GGA1: variants seen among roughly 807,000 people sequenced by gnomAD.
GGA1 encodes the protein ADP-ribosylation factor-binding protein GGA1.
In GGA1, 18 loss-of-function variants were observed where a neutral mutation model predicts 76.9. The ratio of observed to expected loss-of-function variants is 0.23; its 90% CI spans 0.16 to 0.35. GGA1 has a LOEUF of 0.35. Among genes scored for constraint, GGA1 ranks in the 10% least tolerant of loss-of-function variants. The probability of loss-of-function intolerance (pLI) is 1.00; values close to 1 mark genes in which losing one functional copy is unlikely to be tolerated. For missense variants in GGA1, 755 were observed against 859.0 expected (o/e 0.88, Z 1.51); for synonymous variants, 342 against 354.7 (o/e 0.96, Z 0.40).
In GGA1 at chr22:37,633,528, G is replaced by C. The variant is rs1932161374; in HGVS notation, c.*817G>C. The stretch of plus-strand genomic sequence containing the variant: ...TGGGGTCAGTGTGTGAGTGAGAGCA[G>C]GAGTATTTATGAAAATAAAACGTCG... On this transcript the variant is annotated 3_prime_UTR_variant, in exon 17 of 17. Coordinates refer to ENST00000343632, the MANE Select transcript of GGA1 (RefSeq NM_013365.5). The C allele has an allele frequency of 6.6e-6, 1 of 151,982 alleles. No homozygotes were observed. Among genetic ancestry groups the C allele is most frequent in the Middle Eastern group, 3.2e-3 (1 of 316 alleles). The allele number at this position is 151,982 out of a possible 1,614,324, so 9.4% of individuals were successfully genotyped here.
chr22:37,623,230 T>C lies in GGA1; in HGVS notation c.610-97T>C. ...GTGTGATCCCACAGTCACCCAGCTG[T>C]CAACCCAGATCCCAGCACACATTCT... On this transcript the variant is annotated intron_variant, in intron 7 of 16. Coordinates refer to ENST00000343632, the MANE Select transcript of GGA1 (RefSeq NM_013365.5). The surrounding 1 kb of genome is among the most constrained non-coding windows in gnomAD (Gnocchi z 4.6). 1 of 1,192,684 alleles carries C rather than the reference T, an allele frequency of 8.4e-7. No individual in the cohort carries two copies. The highest frequency in any genetic ancestry group is 1.2e-6 in the Non-Finnish European group (1 of 805,376). The allele number at this position is 1,192,684 out of a possible 1,614,324, so 73.9% of individuals were successfully genotyped here.
intron 3 of GGA1, chr22:37,617,332 CACACT>C: frequency 3.3e-6 from 4 of 1,223,272 alleles, no homozygotes; most frequent in Non-Finnish European, 3.1e-6. Flanking sequence ...CTGCCGAGGC[CACACT>C]CCTGGAGTAT....
Position 37,623,281 on chromosome 22 carries a change from G to T in GGA1, c.610-46G>T. On this transcript the variant is annotated intron_variant, in intron 7 of 16. Transcript: ENST00000343632. This position sits in a 1 kb window ranked among gnomAD's most constrained non-coding sequence, Gnocchi z 4.6. ...CTCAAGTGGCAGGGGGCAGTGCCTC[G>T]TCCAGGCCAAAGGTTCTCAGGGGCC... The T allele has an allele frequency of 6.3e-7, 1 of 1,597,630 alleles. No individual in the cohort carries two copies. Among genetic ancestry groups the T allele is most frequent in the Non-Finnish European group, 8.6e-7 (1 of 1,165,516 alleles).
Position 37,631,035 on chromosome 22 carries a change from G to A in GGA1, c.1464G>A (p.Gln488=), listed in dbSNP as rs1365443969. 6.2e-7 allele frequency: 1 copy of A among 1,613,004 alleles called. No individual in the cohort carries two copies. The highest frequency in any genetic ancestry group is 8.5e-7 in the Non-Finnish European group (1 of 1,179,676). The change falls in exon 14 of 17, where the codon CAG becomes CAA. Residue 488 remains glutamine (Q), a synonymous_variant. Coordinates refer to ENST00000343632, the MANE Select transcript of GGA1 (RefSeq NM_013365.5). The part of the protein sequence containing the change: ...TVSPEPPRPP[Q]QPVPTELSLA... The stretch of plus-strand genomic sequence containing the variant: ...CCCCAGAGCCCCCCAGGCCTCCGCA[G>A]CAGCCCGTACCAACCGAGCTCTCAC...
Position 37,625,028 on chromosome 22 carries a change from G to A in GGA1, c.892G>A (p.Val298Met). 2.5e-6 allele frequency: 4 copies of A among 1,602,662 alleles called. No individual in the cohort carries two copies. Among genetic ancestry groups the A allele is most frequent in the African/African-American group, 1.3e-5 (1 of 74,888 alleles). ...GGTGATCAACCTGTATAAGCAGCTG[G>A]TGCGGGGTGAGGAGGTCAACGGTGA... ...TQVINLYKQL[V>M]RGEEVNGDAT... is the part of the protein sequence containing the mutation. Residue 298 changes from valine (V) to methionine (M), a missense_variant, in exon 10 of 17, where the codon GTG becomes ATG. Physicochemically the swap from Val to Met is conservative, Grantham distance 21. Transcript: ENST00000343632. The surrounding 1 kb of genome is among the most constrained non-coding windows in gnomAD (Gnocchi z 4.1).
chr22:37,615,998 A>G (rs1300537294), intron 2 of GGA1, among the ~76,000 whole-genome samples: 2 of 151,354 alleles, frequency 1.3e-5, no homozygotes, highest in Non-Finnish European at 2.9e-5. Flanking sequence ...CTGCCACCAC[A>G]CCCGGCTAAT....
In GGA1 at chr22:37,621,642, C is replaced by T. The variant is rs1270643355; in HGVS notation, c.555C>T (p.Ser185=). 1.3e-6 allele frequency: 2 copies of T among 1,553,918 alleles called. No individual in the cohort carries two copies. Among genetic ancestry groups the T allele is most frequent in the East Asian group, 4.8e-5 (2 of 41,384 alleles). The part of the protein sequence containing the change: ...SKMLARLLKS[S]HPEDLRAANK... ...TGCTGGCCCGCCTGCTGAAGAGCTC[C>T]CATCCCGAAGACCTCCGCGCAGCCA... is the stretch of plus-strand genomic sequence containing the variant. The change falls in exon 7 of 17, where the codon TCC becomes TCT. Residue 185 remains serine (S), a synonymous_variant. Coordinates refer to ENST00000343632, the MANE Select transcript of GGA1 (RefSeq NM_013365.5).
chr22:37,624,688 C>T lies in GGA1; in HGVS notation c.833-281C>T, dbSNP rs1371640202. ...GATGAAGCCATGCAGAGATCTGGGG[C>T]AGCCAGAGAGCAGAGCTGGAGTGGA... is the stretch of plus-strand genomic sequence containing the variant. On this transcript the variant is annotated intron_variant, in intron 9 of 16. Transcript: ENST00000343632. The surrounding 1 kb of genome is among the most constrained non-coding windows in gnomAD (Gnocchi z 4.3). The T allele has an allele frequency of 2.1e-5, 8 of 376,714 alleles. No homozygotes were observed. The highest frequency in any genetic ancestry group is 5.0e-5 in the South Asian group (2 of 39,624). The allele number at this position is 376,714 out of a possible 1,614,324, so 23.3% of individuals were successfully genotyped here.
intron 7 of GGA1, among the ~76,000 whole-genome samples, chr22:37,622,806 C>T (rs779660752): frequency 4.3e-4 from 65 of 152,282 alleles, no homozygotes; most frequent in Non-Finnish European, 5.3e-4. Context: ...GCACAGTAAG[C>T]GGAGGGGCAG....
chr22:37,631,041 C>T lies in GGA1; in HGVS notation c.1470C>T (p.Pro490=), dbSNP rs1401152421. 5.0e-6 allele frequency: 8 copies of T among 1,611,170 alleles called. No individual in the cohort carries two copies. Among genetic ancestry groups the T allele is most frequent in the South Asian group, 2.2e-5 (2 of 90,744 alleles). ...AGCCCCCCAGGCCTCCGCAGCAGCC[C>T]GTACCAACCGAGCTCTCACTGGCCA... ...SPEPPRPPQQ[P]VPTELSLASI... The change falls in exon 14 of 17, where the codon CCC becomes CCT. Residue 490 remains proline (P), a synonymous_variant. Transcript: ENST00000343632.
chr22:37,630,033 G>C lies in GGA1; in HGVS notation c.1194G>C (p.Leu398=). The change falls in exon 13 of 17, where the codon CTG becomes CTC. Residue 398 remains leucine (L), a synonymous_variant. Coordinates refer to ENST00000343632, the MANE Select transcript of GGA1 (RefSeq NM_013365.5). ...CCACTGAGCCCCCAGCCCCTGCTCT[G>C]GCCCAGGCCCCCAGTATGGAAAGCC... ...SDATEPPAPA[L]AQAPSMESRP... 6.3e-7 allele frequency: 1 copy of C among 1,594,250 alleles called. No homozygotes were observed. Among genetic ancestry groups the C allele is most frequent in the Non-Finnish European group, 8.6e-7 (1 of 1,169,190 alleles).
At position 37,632,100 on chromosome 22, in the gene GGA1, G is replaced by A. The variant is rs1248918976; in HGVS notation, c.1633G>A (p.Val545Ile). Residue 545 changes from valine to isoleucine, a missense_variant, in exon 15 of 17, where the codon GTT (valine) becomes ATT (isoleucine). Coordinates refer to ENST00000343632, the MANE Select transcript of GGA1 (RefSeq NM_013365.5). This position sits in a 1 kb window ranked among gnomAD's most constrained non-coding sequence, Gnocchi z 5.1. ...PGRSDVLVVV[V>I]SMLSTAPQPI... The stretch of plus-strand genomic sequence containing the variant: ...GCGCTCCGACGTGCTGGTGGTGGTG[G>A]TTTCCATGCTGAGCACCGCCCCCCA... 1 of 1,613,790 alleles carries A rather than the reference G, an allele frequency of 6.2e-7. No homozygotes were observed. The highest frequency in any genetic ancestry group is 1.1e-5 in the South Asian group (1 of 91,088).
rs1052548322 is a variant in GGA1, at chr22:37,624,882, C to G, written c.833-87C>G. Reference sequence around the variant, plus strand: ...CCTTTCCCTTCCCCTCACACACAGGCTGTGATGGATGTGGGGTCCTCGTCC... The same window carrying G: ...CCTTTCCCTTCCCCTCACACACAGGGTGTGATGGATGTGGGGTCCTCGTCC... On this transcript the variant is annotated intron_variant, in intron 9 of 16. Transcript: ENST00000343632. The surrounding 1 kb of genome is among the most constrained non-coding windows in gnomAD (Gnocchi z 4.3). The G allele has an allele frequency of 4.0e-6, 6 of 1,507,004 alleles. No individual in the cohort carries two copies. The Admixed American group carries it at 1.0e-4, about 25-fold the overall frequency. The allele number at this position is 1,507,004 out of a possible 1,614,324, so 93.4% of individuals were successfully genotyped here.
At chr22:37,630,550 C>T in intron 13 of GGA1, 3 of 436,706 alleles carry the variant, frequency 6.9e-6, no homozygotes, top group Admixed American at 4.2e-5. Context: ...TGCCCCTGAT[C>T]TCTCCATCAC....
At chr22:37,609,390 G>C (rs893735504) in intron 1 of GGA1, 13 of 1,006,086 alleles carry the variant, frequency 1.3e-5, no homozygotes, top group African/African-American at 5.3e-5. Flanking sequence ...ACCCCGTCCT[G>C]GAAGGGAGGA....
chr22:37,609,057 C>T, intron 1 of GGA1, 154 bp downstream of exon 1: 2 of 1,489,204 alleles, frequency 1.3e-6, no homozygotes, highest in Non-Finnish European at 8.9e-7. Context: ...CCCTCAGACC[C>T]TGGAGCGATG....
intron 1 of GGA1, 192 bp downstream of exon 1, chr22:37,609,095 C>T (rs1014463232): frequency 4.0e-6 from 6 of 1,488,772 alleles, no homozygotes; most frequent in African/African-American, 1.5e-5. Flanking sequence ...CGCGGTCCAG[C>T]GGTGGGAGCG....
At position 37,609,112 on chromosome 22, in the gene GGA1, G is replaced by A. The variant is rs1926954217; in HGVS notation, c.43+209G>A. 2.0e-6 allele frequency: 3 copies of A among 1,484,564 alleles called. No homozygotes were observed. In the East Asian group the frequency reaches 9.1e-5, roughly 45 times the overall value. 92.0% of individuals were successfully genotyped at this position (1,484,564 alleles called of 1,614,324 possible). The stretch of plus-strand genomic sequence containing the variant: ...CGGTCCAGCGGTGGGAGCGGGCGCC[G>A]CCCACCTGTCGGATCCCTGGGCCAT... On this transcript the variant is annotated intron_variant, in intron 1 of 16. Transcript: ENST00000343632.
Position 37,632,744 on chromosome 22 carries a change from G to A in GGA1, c.*33G>A. On this transcript the variant is annotated 3_prime_UTR_variant, in exon 17 of 17. Coordinates refer to ENST00000343632, the MANE Select transcript of GGA1 (RefSeq NM_013365.5). The surrounding 1 kb of genome is among the most constrained non-coding windows in gnomAD (Gnocchi z 5.1). ...GGGCTGGGGAGAGGAAGGGGCAGAG[G>A]GACCGGTCACTGTCCAGCCTGGAGG... is the stretch of plus-strand genomic sequence containing the variant. The A allele has an allele frequency of 7.7e-7, 1 of 1,293,102 alleles. No homozygotes were observed. Among genetic ancestry groups the A allele is most frequent in the Non-Finnish European group, 1.1e-6 (1 of 906,114 alleles). 80.1% of individuals were successfully genotyped at this position (1,293,102 alleles called of 1,614,324 possible).
Sources: allele counts gnomAD v4.1 joint callset (sites outside exome capture counted in the v4.1 genomes callset), GRCh38; gene constraint gnomAD v4.1.1; non-coding constraint Gnocchi (gnomAD v3.1); transcripts MANE v1.5; gene names NCBI Gene and HGNC (gene_info 2026-07-23, HGNC 2026-07-21).